The following UBL3 variants were observed in gnomAD, a reference collection of about 807,000 sequenced individuals.
The protein encoded by UBL3 is ubiquitin-like protein 3.
Under a neutral mutation model 18.4 loss-of-function variants are expected in UBL3, and 6 were observed. The ratio of observed to expected loss-of-function variants is 0.33; its 90% CI spans 0.18 to 0.64. The LOEUF is 0.64. Among genes scored for constraint, UBL3 ranks in the 30% least tolerant of loss-of-function variants. The pLI is 0.76. For synonymous variants in UBL3, 49 were observed against 46.6 expected (o/e 1.05, Z -0.21); for missense variants, 109 against 142.9 (o/e 0.76, Z 1.21).
At chr13:29,834,362 T>C (rs1483625382) in intron 1 of UBL3, among the ~76,000 whole-genome samples, 3 of 151,948 alleles carry the variant, frequency 2.0e-5, no homozygotes, top group African/African-American at 7.2e-5. Flanking sequence ...TTTCTTCATA[T>C]ATGACATAAT....
intron 1 of UBL3, among the ~76,000 whole-genome samples, chr13:29,827,772 C>G (rs184825452): frequency 1.6e-4 from 24 of 152,274 alleles, no homozygotes; most frequent in Non-Finnish European, 3.1e-4. Context: ...TTCTTCCTAG[C>G]ATTGATGGTC....
intron 2 of UBL3, among the ~76,000 whole-genome samples, chr13:29,772,616 T>C (rs1037273737): frequency 2.6e-5 from 4 of 152,214 alleles, no homozygotes; most frequent in East Asian, 3.9e-4. Flanking sequence ...AACAGCAGGC[T>C]TAACAAAGAT....
At chr13:29,778,400 A>T (rs1877056260) in intron 1 of UBL3, among the ~76,000 whole-genome samples, 1 of 152,220 alleles carries the variant, frequency 6.6e-6, no homozygotes, top group African/African-American at 2.4e-5. Flanking sequence ...TAAGTCACAG[A>T]AATACAAGTG....
Position 29,849,544 on chromosome 13 carries a change from C to T in UBL3, c.-6G>A, listed in dbSNP as rs776311024. The T allele has an allele frequency of 9.9e-6, 16 of 1,613,872 alleles. No homozygotes were observed. In the East Asian group the frequency reaches 3.6e-4, roughly 36 times the overall value. ...GCCGGGACATTACTGGACATCTTGC[C>T]GTTTGATATACACCCAGATGTTTAC... On this transcript the variant is annotated 5_prime_UTR_variant, in exon 1 of 5. Transcript: ENST00000380680.
intron 1 of UBL3, among the ~76,000 whole-genome samples, chr13:29,820,949 A>T (rs1266976335): frequency 6.6e-6 from 1 of 152,242 alleles, no homozygotes; most frequent in African/African-American, 2.4e-5. Context: ...CTGGAAACAG[A>T]ATGCCAGGGT....
chr13:29,789,617 G>A (rs1325660178), intron 1 of UBL3, among the ~76,000 whole-genome samples: 3 of 152,172 alleles, frequency 2.0e-5, no homozygotes, highest in Non-Finnish European at 4.4e-5. Flanking sequence ...CAGTACTCTG[G>A]GTTTGCTGTA....
At position 29,816,196 on chromosome 13, in the gene UBL3, A is replaced by G. The variant is rs768741004; in HGVS notation, c.27+33316T>C. On this transcript the variant is annotated intron_variant, in intron 1 of 4. Coordinates refer to ENST00000380680, the MANE Select transcript of UBL3 (RefSeq NM_007106.4). ...AAAAAGCACTCTGTAAACATATTACAATTTTATTATTGAATAATATTAATA... is the reference window on the plus strand; with the variant it reads ...AAAAAGCACTCTGTAAACATATTACGATTTTATTATTGAATAATATTAATA... Among the ~76,000 whole-genome samples the G allele has an allele frequency of 2.4e-4, 36 of 152,142 alleles. 1 individual carries two copies. Among genetic ancestry groups the G allele is most frequent in the Non-Finnish European group, 1.2e-4 (8 of 68,024 alleles).
intron 2 of UBL3, among the ~76,000 whole-genome samples, chr13:29,775,397 ATTT>A (rs1317791143): frequency 6.6e-6 from 1 of 152,256 alleles, no homozygotes; most frequent in Non-Finnish European, 1.5e-5. Context: ...TCCGTATATT[ATTT>A]AAGGTTGAGA....
At position 29,849,736 on chromosome 13, in the gene UBL3, C is replaced by T. The variant is rs905674583; in HGVS notation, c.-198G>A. 10 of 676,084 alleles carry T rather than the reference C, an allele frequency of 1.5e-5. No individual in the cohort carries two copies. The highest frequency in any genetic ancestry group is 8.1e-5 in the Admixed American group (3 of 36,904). The allele number at this position is 676,084 out of a possible 1,614,324, so 41.9% of individuals were successfully genotyped here. The stretch of plus-strand genomic sequence containing the variant: ...TTCGAAGAGGAACAATCCCCAGGAG[C>T]TGTGTGGCCGGAGCAGGAGGAAACT... On this transcript the variant is annotated 5_prime_UTR_variant, in exon 1 of 5. Coordinates refer to ENST00000380680, the MANE Select transcript of UBL3 (RefSeq NM_007106.4).
intron 1 of UBL3, among the ~76,000 whole-genome samples, chr13:29,781,289 T>A (rs1007351722): frequency 1.3e-5 from 2 of 152,248 alleles, no homozygotes; most frequent in Non-Finnish European, 2.9e-5. Flanking sequence ...CATATATATG[T>A]ACAAACTAAA....
intron 1 of UBL3, among the ~76,000 whole-genome samples, chr13:29,829,655 G>A (rs912125500): frequency 7.9e-5 from 12 of 151,614 alleles, no homozygotes; most frequent in East Asian, 5.8e-4. Context: ...GTGATGCCTC[G>A]CCCTGCTTCG....
At chr13:29,827,502 C>T (rs1366775478) in intron 1 of UBL3, among the ~76,000 whole-genome samples, 1 of 152,046 alleles carries the variant, frequency 6.6e-6, no homozygotes, top group Non-Finnish European at 1.5e-5. Context: ...GGATTGCAAC[C>T]CCTGCATTTT....
At chr13:29,813,561 C>T (rs969501168) in intron 1 of UBL3, among the ~76,000 whole-genome samples, 2 of 151,880 alleles carry the variant, frequency 1.3e-5, no homozygotes, top group Non-Finnish European at 2.9e-5. Flanking sequence ...GAAAACAATG[C>T]AACAATTAAA....
intron 1 of UBL3, among the ~76,000 whole-genome samples, chr13:29,828,638 G>A (rs1315610884): frequency 5.9e-5 from 9 of 152,082 alleles, no homozygotes; most frequent in Admixed American, 1.3e-4. Context: ...CCTTTAGCTC[G>A]GAGAAGTCTG....
intron 1 of UBL3, among the ~76,000 whole-genome samples, chr13:29,805,504 A>G (rs917456850): frequency 6.6e-6 from 1 of 151,992 alleles, no homozygotes; most frequent in East Asian, 1.9e-4. Flanking sequence ...CGGCTCTTAC[A>G]CCCCCAATAC....
At chr13:29,783,871 C>G (rs970146796) in intron 1 of UBL3, among the ~76,000 whole-genome samples, 2 of 152,098 alleles carry the variant, frequency 1.3e-5, no homozygotes, top group Admixed American at 6.5e-5. Context: ...TGTGTACATA[C>G]CTGTCTAAAA....
In UBL3 at chr13:29,767,217, G is replaced by A; in HGVS notation, c.*38C>T. ...TCTTTTCTGTCCCAGCAGCATGAAA[G>A]ACAAAGACTATATCACATCACACTA... On this transcript the variant is annotated 3_prime_UTR_variant, in exon 5 of 5. Transcript: ENST00000380680. 1 of 1,609,212 alleles carries A rather than the reference G, an allele frequency of 6.2e-7. No individual in the cohort carries two copies. Among genetic ancestry groups the A allele is most frequent in the East Asian group, 2.2e-5 (1 of 44,738 alleles).
intron 1 of UBL3, among the ~76,000 whole-genome samples, chr13:29,781,828 T>TAAAA (rs11357100): frequency 7.3e-5 from 6 of 82,720 alleles, no homozygotes; most frequent in African/African-American, 9.9e-5. Flanking sequence ...TACAAAAAAT[T>TAAAA]AAAAAAAAAA....
At chr13:29,784,188 A>G (rs975300721) in intron 1 of UBL3, among the ~76,000 whole-genome samples, 5 of 152,190 alleles carry the variant, frequency 3.3e-5, no homozygotes, top group Non-Finnish European at 7.3e-5. Flanking sequence ...AGTTTATAAA[A>G]TAATATGTTT....
Sources: allele counts gnomAD v4.1 joint callset (sites outside exome capture counted in the v4.1 genomes callset), GRCh38; gene constraint gnomAD v4.1.1; transcripts MANE v1.5; gene names NCBI Gene and HGNC (gene_info 2026-07-23, HGNC 2026-07-21).